NOX4: variants seen among roughly 807,000 people sequenced by gnomAD.
NOX4 encodes NADPH oxidase 4.
A neutral mutation model predicts 87.6 loss-of-function variants in NOX4; 69 were observed. That is an observed-to-expected ratio of 0.79 (90% confidence interval 0.65 to 0.96). The LOEUF (loss-of-function observed/expected upper bound fraction) is 0.96. NOX4 is among the 40% of genes least tolerant of loss of function. The probability of loss-of-function intolerance (pLI) is 0.00; values close to 1 mark genes in which losing one functional copy is unlikely to be tolerated. For missense variants in NOX4, 680 were observed against 681.5 expected, an observed-to-expected ratio of 1.00 and a Z score of 0.02; for synonymous variants, 275 against 238.2, an observed-to-expected ratio of 1.15 and a Z score of -1.42.
Position 89,325,066 on chromosome 11 carries a change from G to C in NOX4, c.*1690C>G, listed in dbSNP as rs1945167051. On this transcript the variant is annotated 3_prime_UTR_variant, in exon 18 of 18. Transcript: ENST00000263317. ...AGCAGTGTTATATTTGATAGCAATT[G>C]ATAGCCGACTACTAAACAAAATCAC... The C allele has an allele frequency of 6.9e-6, 1 of 145,680 alleles. No individual in the cohort carries two copies. The highest frequency in any genetic ancestry group is 1.5e-5 in the Non-Finnish European group (1 of 66,748). The allele number at this position is 145,680 out of a possible 1,614,324, so 9.0% of individuals were successfully genotyped here.
At chr11:89,410,834 G>T (rs1215141373) in intron 8 of NOX4, among the ~76,000 whole-genome samples, 1 of 152,190 alleles carries the variant, frequency 6.6e-6, no homozygotes, top group Non-Finnish European at 1.5e-5. Context: ...CTGGTGCTGT[G>T]CAGGGCTCAC....
chr11:89,405,126 C>A (rs532193769), intron 8 of NOX4, among the ~76,000 whole-genome samples: 18 of 57,784 alleles, frequency 3.1e-4, no homozygotes, highest in Non-Finnish European at 6.0e-4. Flanking sequence ...TGGAATGGGG[C>A]TGCTTATAAT....
intron 11 of NOX4, among the ~76,000 whole-genome samples, chr11:89,390,309 T>C (rs1420097371): frequency 6.6e-6 from 1 of 152,170 alleles, no homozygotes; most frequent in Non-Finnish European, 1.5e-5. Flanking sequence ...CCTTGGGGGA[T>C]AGTACAAATG....
intron 17 of NOX4, among the ~76,000 whole-genome samples, chr11:89,332,344 T>C (rs1289078317): frequency 2.0e-5 from 3 of 151,870 alleles, no homozygotes; most frequent in African/African-American, 4.8e-5. Context: ...CCCAGAGTAG[T>C]AATTCTCTAC....
At chr11:89,457,856 T>TA (rs1380032181) in intron 2 of NOX4, among the ~76,000 whole-genome samples, 2 of 151,792 alleles carry the variant, frequency 1.3e-5, no homozygotes, top group African/African-American at 2.4e-5. Context: ...ACCAGGTAAA[T>TA]AAAACACCTC....
At chr11:89,559,907 C>A in the NOX4 span, among the ~76,000 whole-genome samples, 1 of 152,096 alleles carries the variant, frequency 6.6e-6, no homozygotes, top group Non-Finnish European at 1.5e-5. Flanking sequence ...CCATTATTAG[C>A]AATCCCATCA....
At chr11:89,520,038 G>A in the NOX4 span, among the ~76,000 whole-genome samples, 1 of 151,882 alleles carries the variant, frequency 6.6e-6, no homozygotes, top group African/African-American at 2.4e-5. Flanking sequence ...GTAAAATGAG[G>A]TAGGCTGCTT....
rs779238483 is a variant in NOX4 at position 89,444,190 on chromosome 11, G to A, written c.392C>T (p.Ser131Leu). The change falls in exon 5 of 18, where the codon TCA (serine) becomes TTA (leucine). Residue 131 changes from serine (S) to leucine (L), a missense_variant. Physicochemically the swap from Ser to Leu is moderately radical, Grantham distance 145 (BLOSUM62 -2). Transcript: ENST00000263317. Reference sequence around the variant, plus strand: ...AACAAAGTCTTCACTGTAATTCACTGAGAAGTTGAGGGCATTCACCAGATG... The same window carrying A: ...AACAAAGTCTTCACTGTAATTCACTAAGAAGTTGAGGGCATTCACCAGATG... ...AAHLVNALNF[S>L]VNYSEDFVEL... 1 of 1,613,590 alleles carries A rather than the reference G, an allele frequency of 6.2e-7. No homozygotes were observed. The highest frequency in any genetic ancestry group is 1.7e-5 in the Admixed American group (1 of 59,952).
At chr11:89,545,355 G>C in the NOX4 span, 1 of 151,876 alleles carries the variant, frequency 6.6e-6, no homozygotes, top group Non-Finnish European at 1.5e-5. Context: ...TGACTTTTCT[G>C]GTTTTTAATT....
rs776157804 is a variant in NOX4 at position 89,400,028 on chromosome 11, T to C, written c.1063A>G (p.Thr355Ala). Residue 355 changes from threonine (T) to alanine (A), a missense_variant, in exon 11 of 18, where the codon ACC becomes GCC. Physicochemically the swap from Thr to Ala is moderately conservative, Grantham distance 58. Transcript: ENST00000263317. ...GATATGTTTCTTACCATTGTGAGGG[T>C]AAATGGATGATTTTCTAATGCAGAT... ...SVSALENHPF[T>A]LTMCPTETKA... The C allele has an allele frequency of 5.0e-6, 8 of 1,607,476 alleles. No individual in the cohort carries two copies. In the South Asian group the frequency reaches 6.6e-5, roughly 13 times the overall value.
At chr11:89,399,048 AT>A (rs1183338838) in intron 11 of NOX4, among the ~76,000 whole-genome samples, 1 of 151,878 alleles carries the variant, frequency 6.6e-6, no homozygotes, top group Non-Finnish European at 1.5e-5. Flanking sequence ...GTGGGGAAAA[AT>A]TTTTTTAAGT....
upstream of NOX4, among the ~76,000 whole-genome samples, chr11:89,500,435 G>A (rs1413727634): frequency 6.6e-6 from 1 of 152,100 alleles, no homozygotes; most frequent in Non-Finnish European, 1.5e-5. Context: ...GGAGCACATA[G>A]CCTGCAAGTT....
the NOX4 span, among the ~76,000 whole-genome samples, chr11:89,576,596 C>T: frequency 2.8e-3 from 421 of 152,200 alleles, 1 homozygote; most frequent in Non-Finnish European, 4.5e-3. Context: ...CTGCCATTAA[C>T]GCCATATAGT....
intron 11 of NOX4, among the ~76,000 whole-genome samples, chr11:89,381,747 G>A (rs1319781692): frequency 1.3e-5 from 2 of 152,154 alleles, no homozygotes; most frequent in African/African-American, 4.8e-5. Flanking sequence ...TTTGCTCCAT[G>A]AGAAAGATCC....
chr11:89,486,934 G>A (rs958580324), intron 2 of NOX4, among the ~76,000 whole-genome samples: 3 of 151,628 alleles, frequency 2.0e-5, no homozygotes, highest in African/African-American at 7.3e-5. Context: ...TTACAGCCTG[G>A]TTAGTTGGCC....
chr11:89,450,114 A>G (rs1162211873), intron 3 of NOX4, among the ~76,000 whole-genome samples: 1 of 152,154 alleles, frequency 6.6e-6, no homozygotes, highest in Admixed American at 6.6e-5. Flanking sequence ...ATACTGAGAG[A>G]CTTAGGTGGG....
upstream of NOX4, among the ~76,000 whole-genome samples, chr11:89,496,970 G>A (rs78592990): frequency 1.2e-4 from 18 of 152,244 alleles, no homozygotes; most frequent in Non-Finnish European, 2.5e-4. Flanking sequence ...AAGTAACCAT[G>A]ATATTAAGTA....
chr11:89,434,446 T>C (rs563445049), intron 6 of NOX4, among the ~76,000 whole-genome samples: 2 of 152,154 alleles, frequency 1.3e-5, no homozygotes, highest in South Asian at 4.1e-4. Context: ...TACTTCCTTT[T>C]TCATGATTTT....
rs111327547 is a variant in NOX4, at chr11:89,353,056, C to T, written c.1217+1906G>A. On this transcript the variant is annotated intron_variant, in intron 13 of 17. Transcript: ENST00000263317. ...CTGGTCTCAAACTCCTGCCCTCAGG[C>T]GATCCACCTGCCTCGGCTTCCCAAA... Among the ~76,000 whole-genome samples the T allele has an allele frequency of 7.6e-4, 116 of 152,230 alleles. 2 individuals carry two copies. The highest frequency in any genetic ancestry group is 2.3e-3 in the African/African-American group (96 of 41,552).
Sources: allele counts gnomAD v4.1 joint callset (sites outside exome capture counted in the v4.1 genomes callset), GRCh38; gene constraint gnomAD v4.1.1; transcripts MANE v1.5; gene names NCBI Gene and HGNC (gene_info 2026-07-23, HGNC 2026-07-21).